ACAP2: variants seen among roughly 807,000 people sequenced by gnomAD.
The protein encoded by ACAP2 is ArfGAP with coiled-coil, ankyrin repeat and PH domains 2.
Under a neutral mutation model 115.8 loss-of-function variants are expected in ACAP2, and 39 were observed. The observed-to-expected ratio is 0.34, with a 90% confidence interval of 0.26 to 0.44. The LOEUF (loss-of-function observed/expected upper bound fraction) is 0.44, where lower values mean the gene tolerates loss of function less well. Ranked by LOEUF, ACAP2 falls within the 20% of genes least tolerant of loss-of-function variation. ACAP2 has a pLI of 1.00. For synonymous variants in ACAP2, 289 were observed against 315.8 expected, an observed-to-expected ratio of 0.92 and a Z score of 0.90; for missense variants, 662 against 927.6, an observed-to-expected ratio of 0.71 and a Z score of 3.72.
chr3:195,317,974 G>A (rs1292869349), intron 10 of ACAP2, among the ~76,000 whole-genome samples: 1 of 152,154 alleles, frequency 6.6e-6, no homozygotes, highest in African/African-American at 2.4e-5. Flanking sequence ...TGCCATGGGC[G>A]GGATGTGGTG....
At chr3:195,396,125 C>T (rs1711753211) in intron 1 of ACAP2, among the ~76,000 whole-genome samples, 1 of 151,836 alleles carries the variant, frequency 6.6e-6, no homozygotes, top group Non-Finnish European at 1.5e-5. Flanking sequence ...GTGGCAGGCA[C>T]CTGTAATCCC....
chr3:195,423,925 A>G (rs1025984519), intron 1 of ACAP2, among the ~76,000 whole-genome samples: 16 of 152,192 alleles, frequency 1.1e-4, no homozygotes, highest in African/African-American at 3.9e-4. Context: ...CTTGTTTAAA[A>G]GTTATTAAGA....
intron 7 of ACAP2, among the ~76,000 whole-genome samples, chr3:195,333,969 T>C (rs1038649262): frequency 1.3e-5 from 2 of 152,100 alleles, no homozygotes; most frequent in Non-Finnish European, 2.9e-5. Context: ...ATTCCACAAA[T>C]CTAAAAAGCT....
In ACAP2 at chr3:195,276,018, A is replaced by G. The variant is rs1726175975; in HGVS notation, c.*3310T>C. The G allele has an allele frequency of 6.6e-6, 1 of 152,652 alleles. No individual in the cohort carries two copies. The highest frequency in any genetic ancestry group is 1.5e-5 in the Non-Finnish European group (1 of 68,028). 9.5% of individuals were successfully genotyped at this position (152,652 alleles called of 1,614,324 possible). On this transcript the variant is annotated 3_prime_UTR_variant, in exon 23 of 23. Transcript: ENST00000326793. ...CAGCTCATGTCCATGATCCAAAGTG[A>G]TATTATACACAAGTGTTATCTGACA...
chr3:195,375,508 A>C (rs1180437951), intron 4 of ACAP2, among the ~76,000 whole-genome samples: 1 of 40,184 alleles, frequency 2.5e-5, no homozygotes, highest in Non-Finnish European at 4.4e-5. Flanking sequence ...TCAACTGTAC[A>C]AAAAAAAAAA....
chr3:195,319,102 GC>G (rs988882712), intron 10 of ACAP2, among the ~76,000 whole-genome samples: 117 of 152,350 alleles, frequency 7.7e-4, no homozygotes, highest in African/African-American at 2.6e-3. Flanking sequence ...GAGTGGGCAA[GC>G]CCCAAGCATT....
At chr3:195,322,082 A>C (rs895187416) in intron 9 of ACAP2, among the ~76,000 whole-genome samples, 1 of 152,148 alleles carries the variant, frequency 6.6e-6, no homozygotes. Flanking sequence ...TAATTATCTA[A>C]ATCTTCACCT....
intron 6 of ACAP2, among the ~76,000 whole-genome samples, chr3:195,339,031 G>C (rs1273143902): frequency 2.0e-5 from 3 of 152,146 alleles, no homozygotes; most frequent in African/African-American, 7.2e-5. Context: ...AGGAGTTTGA[G>C]ATCAGCCTGG....
chr3:195,431,608 T>TTC (rs1715131311), intron 1 of ACAP2, among the ~76,000 whole-genome samples: 2 of 151,300 alleles, frequency 1.3e-5, no homozygotes, highest in African/African-American at 4.9e-5. Flanking sequence ...CGACTAATTT[T>TTC]TTTTTTTTTT....
chr3:195,296,843 T>G lies in ACAP2; in HGVS notation c.1487+347A>C, dbSNP rs80041200. Among the ~76,000 whole-genome samples, 26 of 152,132 alleles carry G rather than the reference T, an allele frequency of 1.7e-4. 1 individual carries two copies. The highest frequency in any genetic ancestry group is 3.4e-4 in the Non-Finnish European group (23 of 67,962). On this transcript the variant is annotated intron_variant, in intron 16 of 22. Transcript: ENST00000326793. ...AAATGTAAAATTATTCACTGTAGGT[T>G]AACAGAAACTTGATCCTTAGAGACA...
intron 13 of ACAP2, among the ~76,000 whole-genome samples, chr3:195,306,259 G>A (rs1728413286): frequency 6.6e-6 from 1 of 151,270 alleles, no homozygotes; most frequent in Non-Finnish European, 1.5e-5. Context: ...ACACTAACAG[G>A]GAAATACCTT....
intron 1 of ACAP2, among the ~76,000 whole-genome samples, chr3:195,405,418 G>A (rs115691310): frequency 0.02 from 3,052 of 152,262 alleles, 93 homozygotes; most frequent in African/African-American, 0.068. Flanking sequence ...CTGGTACGGT[G>A]GCTCACGCCG....
chr3:195,361,279 T>C (rs757116315), intron 4 of ACAP2, among the ~76,000 whole-genome samples: 8 of 151,700 alleles, frequency 5.3e-5, no homozygotes, highest in Non-Finnish European at 1.2e-4. Context: ...TACTAAACAA[T>C]ACAAAAATTA....
intron 1 of ACAP2, among the ~76,000 whole-genome samples, chr3:195,393,120 G>A (rs757048409): frequency 3.3e-5 from 5 of 152,056 alleles, no homozygotes; most frequent in Non-Finnish European, 7.4e-5. Context: ...AGGACTGCTT[G>A]GACCCAAGAG....
chr3:195,351,088 T>C (rs927125235), intron 4 of ACAP2, among the ~76,000 whole-genome samples: 2 of 148,420 alleles, frequency 1.3e-5, no homozygotes, highest in Non-Finnish European at 3.0e-5. Context: ...GCAAAACATA[T>C]AACAACTCAG....
chr3:195,397,699 T>C (rs968127870), intron 1 of ACAP2, among the ~76,000 whole-genome samples: 7 of 152,130 alleles, frequency 4.6e-5, no homozygotes, highest in South Asian at 2.1e-4. Context: ...GTTTCTTCTC[T>C]AAAACATAGA....
chr3:195,279,585 GA>G (rs534494646), intron 22 of ACAP2, 157 bp from the exon 23 acceptor site: 331 of 415,436 alleles, frequency 8.0e-4, no homozygotes, highest in African/African-American at 6.3e-3. Context: ...AATAAATGCT[GA>G]AAAATTATGC....
intron 4 of ACAP2, among the ~76,000 whole-genome samples, chr3:195,377,365 T>C (rs777765527): frequency 2.0e-5 from 3 of 151,898 alleles, no homozygotes; most frequent in Non-Finnish European, 2.9e-5. Flanking sequence ...GGCTGGTCTC[T>C]AATTCCAGGG....
At chr3:195,355,975 G>A (rs889984539) in intron 4 of ACAP2, 20 of 372,044 alleles carry the variant, frequency 5.4e-5, no homozygotes, top group Non-Finnish European at 9.4e-5. Context: ...AGCCTCCACC[G>A]ATTGTCCTCC....
Sources: gnomAD v4.1 joint callset for allele counts (sites outside exome capture counted in the v4.1 genomes callset) on GRCh38, gnomAD v4.1.1 for gene constraint, MANE v1.5 for transcripts, NCBI Gene and HGNC (gene_info 2026-07-23, HGNC 2026-07-21) for gene names.